MROH1: variants seen among roughly 807,000 people sequenced by gnomAD.
MROH1 encodes the protein maestro heat-like repeat-containing protein family member 1.
MROH1 carries 117 observed loss-of-function variants against 116.5 expected under a neutral mutation model. The ratio of observed to expected loss-of-function variants is 1.00; its 90% CI spans 0.86 to 1.17. The LOEUF (loss-of-function observed/expected upper bound fraction) is 1.17. Among genes scored for constraint, MROH1 ranks in the 50% most tolerant of loss-of-function variants. The probability of loss-of-function intolerance (pLI) is 0.00; values close to 1 mark genes in which losing one functional copy is unlikely to be tolerated. For missense variants in MROH1, 1,873 were observed against 1,338.5 expected (o/e 1.40, Z -6.23); for synonymous variants, 921 against 583.9 (o/e 1.58, Z -8.32).
In MROH1 at chr8:144,261,700, G is replaced by T; in HGVS notation, c.4886G>T (p.Arg1629Met). ...GACCCGGCCCCCGAGGTGCGGACGA[G>T]GGCTGCTGAGGCCCTGGGCCGCCTG... ...LKDPAPEVRT[R>M]AAEALGRLVK... is the part of the protein sequence containing the mutation. Residue 1629 changes from arginine to methionine, a missense_variant, in exon 44 of 44, where the codon AGG becomes ATG. Arg to Met is a moderately conservative substitution (Grantham distance 91, BLOSUM62 -1). Transcript: ENST00000326134. 1 of 726,940 alleles carries T rather than the reference G, an allele frequency of 1.4e-6. No individual in the cohort carries two copies. The highest frequency in any genetic ancestry group is 1.5e-5 in the South Asian group (1 of 68,840). 45.0% of individuals were successfully genotyped at this position (726,940 alleles called of 1,614,324 possible). A position where few individuals can be genotyped will look rare whatever the true frequency, so the allele number is the denominator to read the frequency against.
intron 12 of MROH1, among the ~76,000 whole-genome samples, chr8:144,213,618 G>A (rs566242006): frequency 6.6e-6 from 1 of 152,122 alleles, no homozygotes; most frequent in African/African-American, 2.4e-5. Context: ...GTGAAACCCC[G>A]TTTCTGCTAA....
At chr8:144,253,731 TTGAGAA>T (rs1465494142) in intron 33 of MROH1, among the ~76,000 whole-genome samples, 3 of 152,046 alleles carry the variant, frequency 2.0e-5, no homozygotes, top group African/African-American at 7.2e-5. Flanking sequence ...CTTTGTTTAC[TTGAGAA>T]TGTCTTTATT....
At chr8:144,165,746 A>ATTT (rs1201167849) in intron 3 of MROH1, among the ~76,000 whole-genome samples, 9 of 108,278 alleles carry the variant, frequency 8.3e-5, no homozygotes, top group East Asian at 2.7e-4. Flanking sequence ...TAATTTTTGT[A>ATTT]TTTTTTTTTT....
At chr8:144,183,638 CTTCTTTTTTCTTTT>C (rs369500256) in intron 7 of MROH1, among the ~76,000 whole-genome samples, 4,202 of 151,282 alleles carry the variant, frequency 0.028, 76 homozygotes, top group Admixed American at 0.043. Context: ...GGCCTTTCTT[CTTCTTTTTTCTTTT>C]TTCTTTTTTT....
At chr8:144,220,021 C>G (rs1588282731) in intron 12 of MROH1, among the ~76,000 whole-genome samples, 1 of 152,228 alleles carries the variant, frequency 6.6e-6, no homozygotes, top group East Asian at 1.9e-4. Context: ...CAGTGGACCT[C>G]AGAGGGCACT....
At chr8:144,203,575 CAG>C (rs1207949175) in intron 12 of MROH1, among the ~76,000 whole-genome samples, 1 of 151,992 alleles carries the variant, frequency 6.6e-6, no homozygotes, top group Non-Finnish European at 1.5e-5. Context: ...GAGAGAAGCG[CAG>C]GCTCTCTGTG....
intron 14 of MROH1, among the ~76,000 whole-genome samples, chr8:144,231,526 C>T (rs891877399): frequency 1.3e-5 from 2 of 152,178 alleles, no homozygotes; most frequent in East Asian, 3.8e-4. Context: ...GAGACCCTAG[C>T]AGAGGGCGAG....
chr8:144,243,721 G>A (rs1457868241), intron 25 of MROH1, 105 bp downstream of exon 25: 4 of 761,186 alleles, frequency 5.3e-6, no homozygotes, highest in Non-Finnish European at 7.3e-6. Flanking sequence ...GACAGCCTGG[G>A]AACATGGGAG....
chr8:144,255,929 C>G (rs1204890399), intron 35 of MROH1, among the ~76,000 whole-genome samples: 1 of 152,232 alleles, frequency 6.6e-6, no homozygotes, highest in Non-Finnish European at 1.5e-5. Context: ...CTCCTCGCCT[C>G]TGCGGGCGGT....
At chr8:144,158,696 A>G (rs1465061723) in intron 1 of MROH1, among the ~76,000 whole-genome samples, 1 of 151,666 alleles carries the variant, frequency 6.6e-6, no homozygotes, top group African/African-American at 2.4e-5. Flanking sequence ...ATTTAATTCC[A>G]CTGTGGTCAG....
chr8:144,167,114 G>A (rs1046343610), intron 3 of MROH1, among the ~76,000 whole-genome samples: 1 of 152,208 alleles, frequency 6.6e-6, no homozygotes, highest in Non-Finnish European at 1.5e-5. Flanking sequence ...CCTGGGTGTG[G>A]TGCTGCTGGA....
At chr8:144,205,732 C>G (rs1160918406) in intron 12 of MROH1, among the ~76,000 whole-genome samples, 1 of 152,116 alleles carries the variant, frequency 6.6e-6, no homozygotes, top group African/African-American at 2.4e-5. Flanking sequence ...ACTTCGGAAG[C>G]CTTCTCTGGG....
chr8:144,208,885 G>T (rs1314353813), intron 12 of MROH1, among the ~76,000 whole-genome samples: 1 of 151,864 alleles, frequency 6.6e-6, no homozygotes, highest in African/African-American at 2.4e-5. Flanking sequence ...CACCACATCC[G>T]GCTAATTTTT....
chr8:144,259,673 G>C (rs1030147754), intron 37 of MROH1, among the ~76,000 whole-genome samples: 2 of 152,252 alleles, frequency 1.3e-5, no homozygotes, highest in African/African-American at 4.8e-5. Context: ...CTTGGCCTTC[G>C]TGGCCAAAGA....
rs1406059268 is a variant in MROH1 at position 144,245,186 on chromosome 8, G to A, written c.2797G>A (p.Gly933Ser). 5 of 779,168 alleles carry A rather than the reference G, an allele frequency of 6.4e-6. No homozygotes were observed. The highest frequency in any genetic ancestry group is 1.2e-5 in the Non-Finnish European group (5 of 417,792). 48.3% of individuals were successfully genotyped at this position (779,168 alleles called of 1,614,324 possible). ...HLSPWIKSPRGHERARALGLS... is the reference protein window; with the variant it reads ...HLSPWIKSPRSHERARALGLS... The stretch of plus-strand genomic sequence containing the variant: ...GAGCCCATGGATCAAGTCCCCAAGA[G>A]GTCACGAGCGGGCGCGGGCCCTGGG... Residue 933 changes from glycine (G) to serine (S), a missense_variant, in exon 29 of 44, where the codon GGT (glycine) becomes AGT (serine). Coordinates refer to ENST00000326134, the MANE Select transcript of MROH1 (RefSeq NM_032450.3).
At chr8:144,250,447 C>T (rs1303040250) in intron 33 of MROH1, 81 bp downstream of exon 33, 6 of 704,268 alleles carry the variant, frequency 8.5e-6, no homozygotes, top group East Asian at 5.3e-5. Flanking sequence ...GCCCTCCACC[C>T]GGCTCTGCAC....
intron 7 of MROH1, among the ~76,000 whole-genome samples, chr8:144,186,119 A>AC (rs1223385974): frequency 1.4e-5 from 1 of 71,830 alleles, no homozygotes. Flanking sequence ...GACAGTTTCC[A>AC]ATTTTTTTTT....
chr8:144,248,974 C>T lies in MROH1; in HGVS notation c.3218C>T (p.Ala1073Val). The change falls in exon 32 of 44, where the codon GCT (alanine) becomes GTT (valine). Residue 1073 changes from alanine (A) to valine (V), a missense_variant. Ala to Val is a moderately conservative substitution (Grantham distance 64, BLOSUM62 0). Transcript: ENST00000326134. ...GDPEKNCSRAATVMINCLLQE... is the reference protein window; with the variant it reads ...GDPEKNCSRAVTVMINCLLQE... Reference sequence around the variant, plus strand: ...CCCGAAAAGAACTGCTCCCGAGCAGCTACCGTCATGATCAACTGCCTGCTG... The same window carrying T: ...CCCGAAAAGAACTGCTCCCGAGCAGTTACCGTCATGATCAACTGCCTGCTG... 1 of 737,380 alleles carries T rather than the reference C, an allele frequency of 1.4e-6. No individual in the cohort carries two copies. The highest frequency in any genetic ancestry group is 2.5e-6 in the Non-Finnish European group (1 of 395,940). 45.7% of individuals were successfully genotyped at this position (737,380 alleles called of 1,614,324 possible).
At position 144,179,504 on chromosome 8, in the gene MROH1, T is replaced by C. The variant is rs1354910372; in HGVS notation, c.218T>C (p.Leu73Pro). 1 of 1,613,632 alleles carries C rather than the reference T, an allele frequency of 6.2e-7. No homozygotes were observed. ...AAVLRAMERV[L>P]SSRASELDKD... ...GTCCTGAGGGCCATGGAGAGGGTCC[T>C]GAGCAGTCGCGCCAGTGAGCTGGAC... Residue 73 changes from leucine to proline, a missense_variant, in exon 5 of 44, where the codon CTG becomes CCG. Transcript: ENST00000326134.
Sources: gnomAD v4.1 joint callset for allele counts (sites outside exome capture counted in the v4.1 genomes callset) on GRCh38, gnomAD v4.1.1 for gene constraint, MANE v1.5 for transcripts, NCBI Gene and HGNC (gene_info 2026-07-23, HGNC 2026-07-21) for gene names.